The following RUNDC3B variants were observed in gnomAD, a reference collection of about 807,000 sequenced individuals.
The protein encoded by RUNDC3B is RUN domain-containing protein 3B.
Under a neutral mutation model 58.4 loss-of-function variants are expected in RUNDC3B, and 33 were observed. The observed-to-expected ratio is 0.56, with a 90% CI of 0.43 to 0.75. The LOEUF is 0.75. Among genes scored for constraint, RUNDC3B ranks in the 30% least tolerant of loss-of-function variants. The probability of loss-of-function intolerance (pLI) is 0.00; values close to 1 mark genes in which losing one functional copy is unlikely to be tolerated. For missense variants in RUNDC3B, 501 were observed against 535.7 expected (o/e 0.94, Z 0.64); for synonymous variants, 193 against 195.2 (o/e 0.99, Z 0.10).
At chr7:87,677,505 A>C (rs1398332962) in intron 2 of RUNDC3B, among the ~76,000 whole-genome samples, 1 of 152,112 alleles carries the variant, frequency 6.6e-6, no homozygotes, top group Non-Finnish European at 1.5e-5. Context: ...TAAAATGTTG[A>C]TTACCAGAGG....
At chr7:87,637,007 G>A (rs1821838331) in intron 1 of RUNDC3B, among the ~76,000 whole-genome samples, 1 of 152,130 alleles carries the variant, frequency 6.6e-6, no homozygotes, top group African/African-American at 2.4e-5. Context: ...AGCAAAGGGG[G>A]AAGCCCCTTA....
At chr7:87,687,039 A>AT (rs1356352966) in intron 2 of RUNDC3B, among the ~76,000 whole-genome samples, 1 of 152,198 alleles carries the variant, frequency 6.6e-6, no homozygotes, top group East Asian at 1.9e-4. Flanking sequence ...TATTAAAGAA[A>AT]AAATGATTAA....
intron 8 of RUNDC3B, among the ~76,000 whole-genome samples, chr7:87,801,670 G>T (rs547328176): frequency 5.3e-4 from 80 of 152,266 alleles, no homozygotes; most frequent in African/African-American, 1.9e-3. Context: ...TTGGGAGGCT[G>T]AGGCAGGAGA....
Position 87,710,563 on chromosome 7 carries a change from CT to C in RUNDC3B, c.373-3del. ...TTTTATATTTGATTCTTTCTTCTTC[CT>C]TTTAGGGTAGAGCCTGGATCAGAGT... On this transcript the variant is annotated splice_region_variant and splice_polypyrimidine_tract_variant and intron_variant, in intron 3 of 10. Coordinates refer to ENST00000394654, the MANE Select transcript of RUNDC3B (RefSeq NM_001134405.2). 6.6e-7 allele frequency: 1 copy of C among 1,514,880 alleles called. No homozygotes were observed. Among genetic ancestry groups the C allele is most frequent in the East Asian group, 2.3e-5 (1 of 43,204 alleles). 93.8% of individuals were successfully genotyped at this position (1,514,880 alleles called of 1,614,324 possible).
chr7:87,684,073 T>A (rs1421402312), intron 2 of RUNDC3B, among the ~76,000 whole-genome samples: 1 of 152,146 alleles, frequency 6.6e-6, no homozygotes, highest in Non-Finnish European at 1.5e-5. Flanking sequence ...TAGAAAAGCA[T>A]TTGACAAAAT....
chr7:87,802,459 G>A (rs1040264496), intron 8 of RUNDC3B, among the ~76,000 whole-genome samples: 2 of 151,682 alleles, frequency 1.3e-5, no homozygotes, highest in African/African-American at 2.4e-5. Flanking sequence ...GTGGGTAAAT[G>A]GACACAAAAA....
intron 1 of RUNDC3B, among the ~76,000 whole-genome samples, chr7:87,635,846 G>A (rs1267733184): frequency 6.6e-6 from 1 of 152,144 alleles, no homozygotes; most frequent in African/African-American, 2.4e-5. Flanking sequence ...GAATAATACA[G>A]TATAGACCTT....
chr7:87,816,872 A>G (rs1201445417), intron 10 of RUNDC3B, among the ~76,000 whole-genome samples: 1 of 152,132 alleles, frequency 6.6e-6, no homozygotes. Context: ...GACTCAACCT[A>G]TTGGTTTTAA....
chr7:87,649,651 G>T (rs1403593040), intron 1 of RUNDC3B, among the ~76,000 whole-genome samples: 1 of 152,120 alleles, frequency 6.6e-6, no homozygotes, highest in African/African-American at 2.4e-5. Context: ...TTACAGATTT[G>T]CAGGTTTTGC....
intron 3 of RUNDC3B, among the ~76,000 whole-genome samples, chr7:87,706,063 T>C (rs1829556584): frequency 6.6e-6 from 1 of 152,206 alleles, no homozygotes; most frequent in Admixed American, 6.5e-5. Context: ...AGATTTGGCT[T>C]TCTTAGGTTT....
chr7:87,653,648 T>C (rs1823799161), intron 2 of RUNDC3B, among the ~76,000 whole-genome samples: 1 of 152,120 alleles, frequency 6.6e-6, no homozygotes, highest in Non-Finnish European at 1.5e-5. Context: ...TTGGTCTTTT[T>C]TCTGCTACTT....
intron 8 of RUNDC3B, among the ~76,000 whole-genome samples, chr7:87,787,256 T>C (rs982584487): frequency 6.6e-6 from 1 of 152,140 alleles, no homozygotes; most frequent in African/African-American, 2.4e-5. Context: ...CTTGCTGAGA[T>C]TTTTAAAAAA....
intron 3 of RUNDC3B, among the ~76,000 whole-genome samples, chr7:87,703,914 GTTTTTTTTTTTTTTT>G (rs35797972): frequency 9.3e-5 from 4 of 42,972 alleles, no homozygotes; most frequent in African/African-American, 3.8e-4. Context: ...TTTTTTTTTG[GTTTTTTTTTTTTTTT>G]TTTTTTTTTT....
At chr7:87,772,080 A>T (rs184977193) in intron 7 of RUNDC3B, among the ~76,000 whole-genome samples, 14 of 152,324 alleles carry the variant, frequency 9.2e-5, no homozygotes, top group African/African-American at 3.1e-4. Context: ...TTCTACTAAG[A>T]TAGATGAAAT....
At chr7:87,729,753 G>A (rs1831468568) in intron 4 of RUNDC3B, among the ~76,000 whole-genome samples, 1 of 152,232 alleles carries the variant, frequency 6.6e-6, no homozygotes, top group East Asian at 1.9e-4. Context: ...GTGCAGCCAA[G>A]AGAGTGCTTG....
intron 2 of RUNDC3B, among the ~76,000 whole-genome samples, chr7:87,660,771 TA>T (rs1281397465): frequency 1.3e-5 from 2 of 151,994 alleles, no homozygotes; most frequent in African/African-American, 4.8e-5. Flanking sequence ...ATATTTTCAT[TA>T]ATACTCATTT....
chr7:87,828,666 A>T (rs1181831097), intron 10 of RUNDC3B, among the ~76,000 whole-genome samples: 1 of 152,120 alleles, frequency 6.6e-6, no homozygotes, highest in Non-Finnish European at 1.5e-5. Context: ...GCCATTGTGA[A>T]TAGTGCTATG....
intron 6 of RUNDC3B, among the ~76,000 whole-genome samples, chr7:87,759,948 A>G (rs975690540): frequency 3.9e-5 from 6 of 152,138 alleles, no homozygotes; most frequent in African/African-American, 1.2e-4. Flanking sequence ...AAAAAATTTA[A>G]AAGTTCAAAT....
At chr7:87,657,243 G>A (rs185546269) in intron 2 of RUNDC3B, among the ~76,000 whole-genome samples, 3 of 152,022 alleles carry the variant, frequency 2.0e-5, no homozygotes, top group Non-Finnish European at 2.9e-5. Flanking sequence ...ACTGGGTGTT[G>A]GATAAGCCAG....
Sources: gnomAD v4.1 joint callset for allele counts (sites outside exome capture counted in the v4.1 genomes callset) on GRCh38, gnomAD v4.1.1 for gene constraint, MANE v1.5 for transcripts, NCBI Gene and HGNC (gene_info 2026-07-23, HGNC 2026-07-21) for gene names.